Variants in SLC26A7 observed in about 807,000 individuals in gnomAD.
The protein encoded by SLC26A7 is anion exchange transporter.
SLC26A7 carries 59 observed loss-of-function variants against 82.5 expected under a neutral mutation model. The observed-to-expected ratio is 0.72, with a 90% CI of 0.58 to 0.89. The LOEUF (loss-of-function observed/expected upper bound fraction) is 0.89. Among genes scored for constraint, SLC26A7 ranks in the 40% least tolerant of loss-of-function variants. The probability of loss-of-function intolerance (pLI) is 0.00; values close to 1 mark genes in which losing one functional copy is unlikely to be tolerated. For synonymous variants in SLC26A7, 271 were observed against 274.3 expected, an observed-to-expected ratio of 0.99 and a Z score of 0.12; for missense variants, 820 against 793.0, an observed-to-expected ratio of 1.03 and a Z score of -0.41.
intron 15 of SLC26A7, among the ~76,000 whole-genome samples, chr8:91,388,493 C>T (rs1008897269): frequency 2.6e-5 from 4 of 152,052 alleles, no homozygotes; most frequent in African/African-American, 4.8e-5. Context: ...TAAATGGCAA[C>T]GCTATTTAAA....
At chr8:91,369,676 G>C in intron 14 of SLC26A7, 109 bp from the exon 15 acceptor site, 1 of 712,544 alleles carries the variant, frequency 1.4e-6, no homozygotes, top group Non-Finnish European at 2.2e-6. Flanking sequence ...AACAATTTTG[G>C]AGATGAGTTT....
In SLC26A7 at chr8:91,328,981, A is replaced by G. The variant is rs138615702; in HGVS notation, c.643-5314A>G. ...TGAGCTGAACTCTCAATATATAATG[A>G]ACTAATATTACAGTTTTATTAAACT... On this transcript the variant is annotated intron_variant, in intron 5 of 18. Transcript: ENST00000276609. Among the ~76,000 whole-genome samples, 5 of 152,270 alleles carry G rather than the reference A, an allele frequency of 3.3e-5. No individual in the cohort carries two copies. In the East Asian group the frequency reaches 9.6e-4, roughly 29 times the overall value.
chr8:91,249,560 A>G lies in SLC26A7; in HGVS notation c.-92A>G. On this transcript the variant is annotated 5_prime_UTR_variant, in exon 2 of 19. Transcript: ENST00000276609. ...GCAGCTTTGACATTGTAAACCACAG[A>G]CGAATTGGAGCTTGGCATTGAAAGG... 4.8e-6 allele frequency: 5 copies of G among 1,036,782 alleles called. No individual in the cohort carries two copies. The highest frequency in any genetic ancestry group is 6.6e-6 in the Non-Finnish European group (5 of 758,046). 64.2% of individuals were successfully genotyped at this position (1,036,782 alleles called of 1,614,324 possible).
intron 7 of SLC26A7, among the ~76,000 whole-genome samples, chr8:91,339,912 G>A (rs1813353879): frequency 6.6e-6 from 1 of 152,090 alleles, no homozygotes; most frequent in African/African-American, 2.4e-5. Flanking sequence ...TACTGTGAAA[G>A]GATTGAGTTA....
intron 3 of SLC26A7, among the ~76,000 whole-genome samples, chr8:91,292,230 C>T (rs765607904): frequency 1.7e-4 from 25 of 150,728 alleles, no homozygotes; most frequent in Non-Finnish European, 3.4e-4. Flanking sequence ...GGTGTGAACC[C>T]GGGAGGCAGA....
intron 16 of SLC26A7, among the ~76,000 whole-genome samples, chr8:91,390,830 G>A (rs1462497272): frequency 3.3e-5 from 5 of 152,100 alleles, no homozygotes; most frequent in Non-Finnish European, 7.4e-5. Context: ...TGCCATGATC[G>A]GAGGGCTCAC....
At chr8:91,296,846 A>C (rs547489856) in intron 4 of SLC26A7, among the ~76,000 whole-genome samples, 1 of 152,064 alleles carries the variant, frequency 6.6e-6, no homozygotes, top group East Asian at 1.9e-4. Flanking sequence ...CCAACCATGG[A>C]TGTCAGCCTA....
rs1156940925 is a variant in SLC26A7, at chr8:91,340,546, A to C, written c.1021A>C (p.Asn341His). The change falls in exon 8 of 19, where the codon AAC (asparagine) becomes CAC (histidine). Residue 341 changes from asparagine to histidine, a missense_variant. By Grantham distance (68) the Asn-to-His change is moderately conservative (BLOSUM62 1). Coordinates refer to ENST00000276609, the MANE Select transcript of SLC26A7 (RefSeq NM_052832.4). The part of the protein sequence containing the change: ...AKKFKYSIDD[N>H]QEFLAHGLSN... ...AAAATTCAAATATTCAATTGATGAC[A>C]ACCAGGTGGAGTGTGCCCCCAGTCC... 1.2e-6 allele frequency: 2 copies of C among 1,613,828 alleles called. No individual in the cohort carries two copies. Among genetic ancestry groups the C allele is most frequent in the Admixed American group, 1.7e-5 (1 of 60,000 alleles).
intron 1 of SLC26A7, among the ~76,000 whole-genome samples, chr8:91,214,705 T>C (rs1398120108): frequency 1.3e-5 from 2 of 152,174 alleles, no homozygotes; most frequent in African/African-American, 4.8e-5. Flanking sequence ...GGGCTGCCAT[T>C]GTTATGCTTT....
At chr8:91,335,789 A>T (rs569440548) in intron 6 of SLC26A7, among the ~76,000 whole-genome samples, 56 of 152,278 alleles carry the variant, frequency 3.7e-4, no homozygotes, top group African/African-American at 1.2e-3. Context: ...CTGTTTTCTT[A>T]TGTTGACAAA....
rs200867943 is a variant in SLC26A7, at chr8:91,389,352, T to C, written c.1690T>C (p.Ser564Pro). Residue 564 changes from serine to proline, a missense_variant, in exon 16 of 19, where the codon TCC becomes CCC. Ser to Pro is a moderately conservative substitution (Grantham distance 74). Transcript: ENST00000276609. ...TTCTCCTACAGAAGAAGCTTCACAG[T>C]CCTGCCCTAATGAGAAGTGTTATTT... ...NGNCNEEASQ[S>P]CPNEKCYLIL... is the part of the protein sequence containing the mutation. The C allele has an allele frequency of 3.0e-5, 49 of 1,613,852 alleles. No individual in the cohort carries two copies. In the African/African-American group the frequency reaches 6.0e-4, roughly 20 times the overall value.
At chr8:91,257,148 T>C (rs1248258332) in intron 2 of SLC26A7, among the ~76,000 whole-genome samples, 1 of 152,172 alleles carries the variant, frequency 6.6e-6, no homozygotes. Flanking sequence ...GCTATTGCTC[T>C]TTCCCCTGAG....
intron 2 of SLC26A7, among the ~76,000 whole-genome samples, chr8:91,222,374 G>C (rs1329505164): frequency 6.6e-6 from 1 of 152,026 alleles, no homozygotes; most frequent in Non-Finnish European, 1.5e-5. Context: ...TCTCTTGCCT[G>C]ATTGCCCTGG....
At chr8:91,376,077 G>A (rs1296174759) in intron 15 of SLC26A7, among the ~76,000 whole-genome samples, 1 of 151,980 alleles carries the variant, frequency 6.6e-6, no homozygotes, top group Non-Finnish European at 1.5e-5. Flanking sequence ...TTTAATTCTA[G>A]GTGTTCTATT....
chr8:91,342,589 T>C lies in SLC26A7; in HGVS notation c.1027-764T>C, dbSNP rs543441650. ...AAGAATAACCCTAAAGCTTTCAATC[T>C]AAGCAATTGGAACTTCAAATAGGGA... On this transcript the variant is annotated intron_variant, in intron 8 of 18. Transcript: ENST00000276609. Among the ~76,000 whole-genome samples, 7 of 152,264 alleles carry C rather than the reference T, an allele frequency of 4.6e-5. No homozygotes were observed. The South Asian group carries it at 1.2e-3, about 27-fold the overall frequency.
intron 4 of SLC26A7, among the ~76,000 whole-genome samples, chr8:91,311,894 G>A (rs1812499561): frequency 6.6e-6 from 1 of 152,188 alleles, no homozygotes; most frequent in Non-Finnish European, 1.5e-5. Flanking sequence ...TAAAAATAGA[G>A]TGGCTACCTG....
intron 14 of SLC26A7, among the ~76,000 whole-genome samples, chr8:91,369,174 A>G (rs550043706): frequency 1.3e-5 from 2 of 152,376 alleles, no homozygotes; most frequent in African/African-American, 4.8e-5. Context: ...AATAAAATTT[A>G]TAACTTCATA....
chr8:91,293,335 G>A (rs745824958), intron 3 of SLC26A7, among the ~76,000 whole-genome samples: 34 of 152,286 alleles, frequency 2.2e-4, no homozygotes, highest in Non-Finnish European at 4.4e-4. Context: ...GAGCAAATGA[G>A]GCAAAGATAG....
At chr8:91,363,124 A>G (rs1454111282) in intron 12 of SLC26A7, among the ~76,000 whole-genome samples, 3 of 152,100 alleles carry the variant, frequency 2.0e-5, no homozygotes, top group Admixed American at 6.6e-5. Flanking sequence ...AATACTATCC[A>G]GTCCTATCTT....
Sources: gnomAD v4.1 joint callset for allele counts (sites outside exome capture counted in the v4.1 genomes callset) on GRCh38, gnomAD v4.1.1 for gene constraint, MANE v1.5 for transcripts, NCBI Gene and HGNC (gene_info 2026-07-23, HGNC 2026-07-21) for gene names.